The following EPHA10 variants were observed in gnomAD, a reference collection of about 807,000 sequenced individuals.
EPHA10 encodes the protein EPH receptor A10, also known as ephrin type-A receptor 10.
Under a neutral mutation model 109.7 loss-of-function variants are expected in EPHA10, and 120 were observed. That is an observed-to-expected ratio of 1.09 (90% confidence interval 0.94 to 1.27). The LOEUF (loss-of-function observed/expected upper bound fraction) is 1.27, where lower values mean the gene tolerates loss of function less well. Among genes scored for constraint, EPHA10 ranks in the 50% most tolerant of loss-of-function variants. The probability of loss-of-function intolerance (pLI) is 0.00; values close to 1 mark genes in which losing one functional copy is unlikely to be tolerated. For missense variants in EPHA10, 1,396 were observed against 1,411.1 expected (o/e 0.99, Z 0.17); for synonymous variants, 640 against 618.9 (o/e 1.03, Z -0.51).
intron 3 of EPHA10, among the ~76,000 whole-genome samples, chr1:37,758,850 AT>A (rs1171782634): frequency 6.6e-6 from 1 of 152,118 alleles, no homozygotes; most frequent in Non-Finnish European, 1.5e-5. Context: ...CATCATAAAT[AT>A]GTGTCTATCC....
chr1:37,744,284 C>T (rs1349483602), intron 5 of EPHA10, among the ~76,000 whole-genome samples: 1 of 150,788 alleles, frequency 6.6e-6, no homozygotes, highest in Admixed American at 6.7e-5. Flanking sequence ...GAGGCTGAGG[C>T]GGGTGGATCA....
Position 37,720,772 on chromosome 1 carries a change from G to T in EPHA10, c.2208+11C>A, listed in dbSNP as rs1645779266. 1.1e-5 allele frequency: 17 copies of T among 1,613,960 alleles called. No individual in the cohort carries two copies. Among genetic ancestry groups the T allele is most frequent in the Non-Finnish European group, 1.4e-5 (16 of 1,179,922 alleles). On this transcript the variant is annotated intron_variant, in intron 12 of 16. Transcript: ENST00000373048. ...AATAAAGTGGTCATTGGCAGCCCCA[G>T]GGCCACTCACCCTGAGGAAGCCGTC...
At position 37,761,904 on chromosome 1, in the gene EPHA10, G is replaced by A; in HGVS notation, c.351C>T (p.Gly117=). 2 of 1,612,128 alleles carry A rather than the reference G, an allele frequency of 1.2e-6. No individual in the cohort carries two copies. The highest frequency in any genetic ancestry group is 1.1e-5 in the South Asian group (1 of 90,916). ...AGGTCTCCTTGCAGGTACCCGCGGC[G>A]CCAGGGATGCTGCTGCAGTCACGGA... is the stretch of plus-strand genomic sequence containing the variant. The part of the protein sequence containing the change: ...FTLRDCSSIP[G]AAGTCKETFN... The change falls in exon 3 of 17, where the codon GGC becomes GGT. Residue 117 remains glycine (G), a synonymous_variant. Transcript: ENST00000373048.
At chr1:37,751,201 C>CAAAA (rs1320111085) in intron 5 of EPHA10, among the ~76,000 whole-genome samples, 2,215 of 45,338 alleles carry the variant, frequency 0.049, 89 homozygotes, top group African/African-American at 0.075. Flanking sequence ...AGACTCCTCT[C>CAAAA]AAAAAAAAAA....
At position 37,761,444 on chromosome 1, in the gene EPHA10, A is replaced by G. The variant is rs1239763298; in HGVS notation, c.811T>C (p.Cys271Arg). ...EWLVPVGRCS[C>R]SAGFQERGDF... ...CCACGCTCCTGGAATCCCGCGCTGCAGCTGCAGCGGCCCACAGGCACCAGC... is the reference window on the plus strand; with the variant it reads ...CCACGCTCCTGGAATCCCGCGCTGCGGCTGCAGCGGCCCACAGGCACCAGC... Residue 271 changes from cysteine to arginine, a missense_variant, in exon 3 of 17, where the codon TGC becomes CGC. By Grantham distance (180) the Cys-to-Arg change is radical. Transcript: ENST00000373048. 3.1e-6 allele frequency: 5 copies of G among 1,598,742 alleles called. No homozygotes were observed. The highest frequency in any genetic ancestry group is 2.5e-6 in the Non-Finnish European group (3 of 1,179,068).
intron 5 of EPHA10, among the ~76,000 whole-genome samples, chr1:37,749,434 A>G (rs1404116120): frequency 6.6e-6 from 1 of 151,946 alleles, no homozygotes; most frequent in Admixed American, 6.6e-5. Flanking sequence ...GCACTTTGGG[A>G]GGCTGAGGCG....
intron 5 of EPHA10, among the ~76,000 whole-genome samples, chr1:37,748,306 C>A (rs1646271070): frequency 6.6e-6 from 1 of 152,184 alleles, no homozygotes; most frequent in South Asian, 2.1e-4. Context: ...TTGCAGTGAG[C>A]TGAGATGGTG....
At chr1:37,743,297 T>A (rs1646183097) in intron 5 of EPHA10, among the ~76,000 whole-genome samples, 1 of 152,184 alleles carries the variant, frequency 6.6e-6, no homozygotes, top group African/African-American at 2.4e-5. Flanking sequence ...TCTGGCACTT[T>A]AAGAAGAAAG....
chr1:37,744,555 G>C (rs1646202998), intron 5 of EPHA10, among the ~76,000 whole-genome samples: 1 of 151,850 alleles, frequency 6.6e-6, no homozygotes, highest in Admixed American at 6.6e-5. Flanking sequence ...AGCTACTCTG[G>C]AGGCTGAGGC....
intron 5 of EPHA10, 112 bp from the exon 6 acceptor site, chr1:37,735,502 G>A: frequency 7.5e-7 from 1 of 1,324,524 alleles, no homozygotes; most frequent in Non-Finnish European, 1.0e-6. Context: ...AGAGAGGCCT[G>A]GGGCGTGGTC....
rs1406697861 is a variant in EPHA10, at chr1:37,753,139, G to T, written c.1094C>A (p.Ser365Ter). The change falls in exon 5 of 17, where the codon TCG (serine) becomes TAG (stop). Residue 365 changes from serine (S) to a stop codon, truncating the protein, a stop_gained. Transcript: ENST00000373048. LOFTEE classifies it high-confidence loss of function. Reference sequence around the variant, plus strand: ...GTAGGTGACGTCCGAGCGGCCTCCCGAGTCGGCCGGCGGCAGCCAGCGCAG... The same window carrying T: ...GTAGGTGACGTCCGAGCGGCCTCCCTAGTCGGCCGGCGGCAGCCAGCGCAG... The part of the protein sequence containing the change: ...LRLRWLPPAD[S>*]GGRSDVTYSL... 7.1e-7 allele frequency: 1 copy of T among 1,407,318 alleles called. No homozygotes were observed. Among genetic ancestry groups the T allele is most frequent in the South Asian group, 1.5e-5 (1 of 67,710 alleles). 87.2% of individuals were successfully genotyped at this position (1,407,318 alleles called of 1,614,324 possible).
Position 37,716,782 on chromosome 1 carries a change from C to T in EPHA10, c.*1590G>A, listed in dbSNP as rs1645699811. ...CCACCCACCCCAAGGAAAGAACCTT[C>T]CCTTTCCCACCTGCAAGGCCCTGTT... On this transcript the variant is annotated 3_prime_UTR_variant, in exon 17 of 17. Coordinates refer to ENST00000373048, the MANE Select transcript of EPHA10 (RefSeq NM_001099439.2). 1.3e-5 allele frequency: 3 copies of T among 233,078 alleles called. No homozygotes were observed. Among genetic ancestry groups the T allele is most frequent in the Non-Finnish European group, 1.7e-5 (2 of 117,926 alleles). The allele number at this position is 233,078 out of a possible 1,614,324, so 14.4% of individuals were successfully genotyped here.
chr1:37,761,140 C>G, intron 3 of EPHA10: 2 of 1,264,646 alleles, frequency 1.6e-6, no homozygotes, highest in Non-Finnish European at 2.0e-6. Context: ...AATAAATAAA[C>G]GAGAAGGCCT....
At chr1:37,736,347 C>A (rs779040557) in intron 5 of EPHA10, among the ~76,000 whole-genome samples, 63 of 152,100 alleles carry the variant, frequency 4.1e-4, no homozygotes, top group Admixed American at 2.6e-4. Flanking sequence ...CATGGTGGTA[C>A]ATGCCTGTAA....
In EPHA10 at chr1:37,716,030, C is replaced by T. The variant is rs890776218; in HGVS notation, c.*2342G>A. 7 of 574,848 alleles carry T rather than the reference C, an allele frequency of 1.2e-5. No homozygotes were observed. Among genetic ancestry groups the T allele is most frequent in the Admixed American group, 1.0e-4 (5 of 50,150 alleles). 35.6% of individuals were successfully genotyped at this position (574,848 alleles called of 1,614,324 possible). A position where few individuals can be genotyped will look rare whatever the true frequency, so the allele number is the denominator to read the frequency against. The stretch of plus-strand genomic sequence containing the variant: ...GAGAACCCAAGAAATATAAAAACAT[C>T]TCCAGAAGGAACCCCCTCCGACTGG... On this transcript the variant is annotated 3_prime_UTR_variant, in exon 17 of 17. Transcript: ENST00000373048.
rs71053991 is a variant in EPHA10 at position 37,721,427 on chromosome 1, CAAAAAAAAAAA to C, written c.2146+222_2146+232del. Among the ~76,000 whole-genome samples the C allele has an allele frequency of 3.2e-5, 3 of 94,262 alleles. No individual in the cohort carries two copies. In the South Asian group the frequency reaches 1.1e-3, roughly 35 times the overall value. The allele number at this position is 94,262 out of a possible 152,430, so 61.8% of individuals were successfully genotyped here. Reference sequence around the variant, plus strand: ...TGGGCAACAGAGCGAGACTCCATCTCAAAAAAAAAAAAAAAGAAAGAAAGAAAGAAAAGAAA... The same window carrying C: ...TGGGCAACAGAGCGAGACTCCATCTCAAAAGAAAGAAAGAAAGAAAAGAAA... On this transcript the variant is annotated intron_variant, in intron 11 of 16. Transcript: ENST00000373048.
rs75076313 is a variant in EPHA10 at position 37,745,017 on chromosome 1, C to A, written c.1357+7859G>T. 3.2e-4 allele frequency among the ~76,000 whole-genome samples: 49 copies of A among 152,232 alleles called. 1 individual carries two copies. In the East Asian group the frequency reaches 9.1e-3, roughly 28 times the overall value. On this transcript the variant is annotated intron_variant, in intron 5 of 16. Transcript: ENST00000373048. Reference sequence around the variant, plus strand: ...AGACAGCCATGTGACTAGAGTGATGCGTCTGCGAGCCAAGGAACACCAAGG... The same window carrying A: ...AGACAGCCATGTGACTAGAGTGATGAGTCTGCGAGCCAAGGAACACCAAGG...
intron 5 of EPHA10, among the ~76,000 whole-genome samples, chr1:37,740,382 T>C (rs1201526644): frequency 6.6e-6 from 1 of 152,154 alleles, no homozygotes; most frequent in Non-Finnish European, 1.5e-5. Context: ...CTCGGCTCAC[T>C]GCAAGCTCCA....
intron 3 of EPHA10, among the ~76,000 whole-genome samples, chr1:37,758,134 A>G (rs368411904): frequency 6.6e-6 from 1 of 152,208 alleles, no homozygotes; most frequent in Non-Finnish European, 1.5e-5. Context: ...TAGAGTATGT[A>G]AAAACAATAA....
Sources: gnomAD v4.1 joint callset for allele counts (sites outside exome capture counted in the v4.1 genomes callset) on GRCh38, gnomAD v4.1.1 for gene constraint, MANE v1.5 for transcripts, NCBI Gene and HGNC (gene_info 2026-07-23, HGNC 2026-07-21) for gene names.